Variants in JAG2 observed in about 807,000 individuals in gnomAD.
The protein encoded by JAG2 is protein jagged-2.
A neutral mutation model predicts 141.7 loss-of-function variants in JAG2; 46 were observed. That is an observed-to-expected ratio of 0.32 (90% CI 0.26 to 0.42). JAG2 has a LOEUF of 0.42. Ranked by LOEUF, JAG2 falls within the 10% of genes least tolerant of loss-of-function variation. JAG2 has a pLI of 1.00. For missense variants in JAG2, 1,500 were observed against 1,817.5 expected (o/e 0.83, Z 3.18); for synonymous variants, 862 against 763.5 (o/e 1.13, Z -2.13).
intron 12 of JAG2, 128 bp from the exon 13 acceptor site, chr14:105,149,448 G>C: frequency 1.8e-6 from 2 of 1,136,750 alleles, no homozygotes; most frequent in Non-Finnish European, 1.3e-6. Flanking sequence ...GCCTAACAGT[G>C]CCAGCCAGAG....
Position 105,143,578 on chromosome 14 carries a change from T to C in JAG2, c.3145A>G (p.Ile1049Val), listed in dbSNP as rs1356689695. 1 of 1,605,598 alleles carries C rather than the reference T, an allele frequency of 6.2e-7. No homozygotes were observed. Among genetic ancestry groups the C allele is most frequent in the Admixed American group, 1.7e-5 (1 of 59,168 alleles). The change falls in exon 25 of 26, where the codon ATC becomes GTC. Residue 1049 changes from isoleucine to valine, a missense_variant. By Grantham distance (29) the Ile-to-Val change is conservative. Transcript: ENST00000331782. ...SSLIQGAAHA[I>V]VAAITQRGNS... is the part of the protein sequence containing the mutation. ...CCCCGCTGGGTGATGGCGGCCACGA[T>C]GGCGTGGGCCGCGCCCTGGATCAGG...
At chr14:105,165,929 T>C (rs1888895198) in intron 2 of JAG2, among the ~76,000 whole-genome samples, 1 of 152,174 alleles carries the variant, frequency 6.6e-6, no homozygotes, top group South Asian at 2.1e-4. Context: ...CAGGGCAGCA[T>C]GGCCAGGGAC....
intron 2 of JAG2, among the ~76,000 whole-genome samples, chr14:105,159,088 G>A (rs894268212): frequency 9.2e-5 from 14 of 151,646 alleles, no homozygotes; most frequent in Non-Finnish European, 1.5e-4. Context: ...CCTAACCAAC[G>A]TGCTACCAGC....
In JAG2 at chr14:105,143,525, G is replaced by T; in HGVS notation, c.3198C>A (p.Thr1066=). Residue 1066 remains threonine (T), a synonymous_variant, in exon 25 of 26, where the codon ACC becomes ACA. Coordinates refer to ENST00000331782, the MANE Select transcript of JAG2 (RefSeq NM_002226.5). ...RGNSSLLLAV[T]EVKVETVVTG... ...TAACAACCGTCTCCACCTTGACCTC[G>T]GTGACAGCCAGGAGCAGTGAGCTGT... The T allele has an allele frequency of 1.3e-6, 2 of 1,583,128 alleles. No individual in the cohort carries two copies. Among genetic ancestry groups the T allele is most frequent in the Non-Finnish European group, 8.6e-7 (1 of 1,167,540 alleles).
rs1365397948 is a variant in JAG2 at position 105,149,041 on chromosome 14, G to A, written c.1802C>T (p.Ala601Val). Residue 601 changes from alanine (A) to valine (V), a missense_variant, in exon 14 of 26, where the codon GCA becomes GTA. By Grantham distance (64) the Ala-to-Val change is moderately conservative. Coordinates refer to ENST00000331782, the MANE Select transcript of JAG2 (RefSeq NM_002226.5). ...ATGGGGGCCACACACGCCGGAGGCT[G>A]CTGTGCCAGGCATCCCAGGCCCCGC... ...SDAGPGMPGTAASGVCGPHGR... is the reference protein window; with the variant it reads ...SDAGPGMPGTVASGVCGPHGR... 13 of 1,608,106 alleles carry A rather than the reference G, an allele frequency of 8.1e-6. No homozygotes were observed. The highest frequency in any genetic ancestry group is 1.0e-5 in the Non-Finnish European group (12 of 1,178,166).
Position 105,142,538 on chromosome 14 carries a change from G to A in JAG2, c.*157C>T. 1.6e-6 allele frequency: 1 copy of A among 613,436 alleles called. No individual in the cohort carries two copies. Among genetic ancestry groups the A allele is most frequent in the Non-Finnish European group, 2.9e-6 (1 of 349,374 alleles). The allele number at this position is 613,436 out of a possible 1,614,324, so 38.0% of individuals were successfully genotyped here. A position where few individuals can be genotyped will look rare whatever the true frequency, so the allele number is the denominator to read the frequency against. Reference sequence around the variant, plus strand: ...GACAGTTACTGAATAATTTATACAAGGTTAAAGAAACGTAGAAAATAAACA... The same window carrying A: ...GACAGTTACTGAATAATTTATACAAAGTTAAAGAAACGTAGAAAATAAACA... On this transcript the variant is annotated 3_prime_UTR_variant, in exon 26 of 26. Coordinates refer to ENST00000331782, the MANE Select transcript of JAG2 (RefSeq NM_002226.5).
Position 105,152,056 on chromosome 14 carries a change from G to T in JAG2, c.921C>A (p.Asp307Glu), listed in dbSNP as rs777781345. 1 of 1,613,142 alleles carries T rather than the reference G, an allele frequency of 6.2e-7. No homozygotes were observed. Among genetic ancestry groups the T allele is most frequent in the Non-Finnish European group, 8.5e-7 (1 of 1,179,944 alleles). Residue 307 changes from aspartate to glutamate, a missense_variant and splice_region_variant, in exon 7 of 26, where the codon GAC (aspartate) becomes GAA (glutamate). Asp to Glu is a conservative substitution (Grantham distance 45). Transcript: ENST00000331782. Reference sequence around the variant, plus strand: ...GGTGGTGGCTGCCACAGTAGTTCAGGTCTGGGGGCAGGGGTGGGATGCTCA... The same window carrying T: ...GGTGGTGGCTGCCACAGTAGTTCAGTTCTGGGGGCAGGGGTGGGATGCTCA... ...TNWGGLLCDK[D>E]LNYCGSHHPC...
chr14:105,157,754 TA>T lies in JAG2; in HGVS notation c.426del (p.Phe142LeufsTer21). On this transcript the variant is annotated frameshift_variant, in exon 3 of 26. Coordinates refer to ENST00000331782, the MANE Select transcript of JAG2 (RefSeq NM_002226.5). LOFTEE classifies it high-confidence loss of function. ...CAGTCCCAGGCCTCCACGATGAGGG[TA>T]AAGGAGCGCTGCAGACATGGGGAGG... ...IPFQFAWPRSFTLIVEAWDWD... is the reference protein window; with the variant it reads ...IPFQFAWPRSXTLIVEAWDWD... 1 of 1,576,872 alleles carries T rather than the reference TA, an allele frequency of 6.3e-7. No homozygotes were observed. The highest frequency in any genetic ancestry group is 8.6e-7 in the Non-Finnish European group (1 of 1,163,076).
chr14:105,147,956 G>A lies in JAG2; in HGVS notation c.2249-68C>T, dbSNP rs917427188. The A allele has an allele frequency of 5.0e-5, 66 of 1,308,104 alleles. No individual in the cohort carries two copies. In the African/African-American group the frequency reaches 5.9e-4, roughly 12 times the overall value. The allele number at this position is 1,308,104 out of a possible 1,614,324, so 81.0% of individuals were successfully genotyped here. On this transcript the variant is annotated intron_variant, in intron 17 of 25. Transcript: ENST00000331782. The stretch of plus-strand genomic sequence containing the variant: ...GGCTGGCCCTGGGTCTCCATACCGC[G>A]CCCCCAACCCAGACAGGGCAGACAG...
In JAG2 at chr14:105,151,354, G is replaced by A; in HGVS notation, c.1196C>T (p.Thr399Ile). The stretch of plus-strand genomic sequence containing the variant: ...AAAGCCGTCCACCTGGTCCACACAG[G>A]TGCCACCGGCCGCACACGGGTTCGA... Reference protein sequence around the residue: ...CASNPCAAGGTCVDQVDGFEC... With the variant: ...CASNPCAAGGICVDQVDGFEC... Residue 399 changes from threonine (T) to isoleucine (I), a missense_variant, in exon 9 of 26, where the codon ACC (threonine) becomes ATC (isoleucine). Transcript: ENST00000331782. The A allele has an allele frequency of 6.2e-7, 1 of 1,612,524 alleles. No homozygotes were observed. The highest frequency in any genetic ancestry group is 8.5e-7 in the Non-Finnish European group (1 of 1,180,000).
chr14:105,145,235 A>T (rs1276151625), intron 23 of JAG2, among the ~76,000 whole-genome samples, 174 bp from the exon 24 acceptor site: 1 of 152,140 alleles, frequency 6.6e-6, no homozygotes, highest in African/African-American at 2.4e-5. Context: ...GCCCTATACC[A>T]GGAGGCAGGA....
Position 105,142,841 on chromosome 14 carries a change from G to A in JAG2, c.3571C>T (p.Leu1191=), listed in dbSNP as rs1416703763. 2.5e-6 allele frequency: 4 copies of A among 1,609,948 alleles called. No individual in the cohort carries two copies. Among genetic ancestry groups the A allele is most frequent in the Non-Finnish European group, 3.4e-6 (4 of 1,178,638 alleles). The part of the protein sequence containing the change: ...EDLGRGEEDS[L]EAEKFLSHKF... Reference sequence around the variant, plus strand: ...TGTGAGAGGAACTTCTCCGCCTCCAGGGAGTCCTCCTCACCGCGGCCCAGA... The same window carrying A: ...TGTGAGAGGAACTTCTCCGCCTCCAAGGAGTCCTCCTCACCGCGGCCCAGA... The change falls in exon 26 of 26, where the codon CTG becomes TTG. Residue 1191 remains leucine (L), a synonymous_variant. Coordinates refer to ENST00000331782, the MANE Select transcript of JAG2 (RefSeq NM_002226.5).
In JAG2 at chr14:105,167,665, C is replaced by G; in HGVS notation, c.417+92G>C. ...GGGCGCGCGCGGCTCGCACGCAGAC[C>G]CGGCCGCAGGTGTTGGGGGTCGCGA... On this transcript the variant is annotated intron_variant, in intron 2 of 25. Transcript: ENST00000331782. The surrounding 1 kb of genome is among the most constrained non-coding windows in gnomAD (Gnocchi z 4.8). The G allele has an allele frequency of 1.6e-6, 2 of 1,239,946 alleles. No individual in the cohort carries two copies. Among genetic ancestry groups the G allele is most frequent in the East Asian group, 3.5e-5 (1 of 28,384 alleles). The allele number at this position is 1,239,946 out of a possible 1,614,324, so 76.8% of individuals were successfully genotyped here. A position where few individuals can be genotyped will look rare whatever the true frequency, so the allele number is the denominator to read the frequency against.
chr14:105,145,539 C>T (rs1888196398), intron 23 of JAG2, among the ~76,000 whole-genome samples, 192 bp downstream of exon 23: 1 of 152,260 alleles, frequency 6.6e-6, no homozygotes, highest in Non-Finnish European at 1.5e-5. Context: ...TCCCAGCCTC[C>T]TCTGCCACCT....
chr14:105,146,976 C>T, intron 20 of JAG2: 1 of 622,594 alleles, frequency 1.6e-6, no homozygotes. Flanking sequence ...GCCCCAGCTG[C>T]TGCGTCGGAC....
At chr14:105,162,712 T>A (rs35757105) in intron 2 of JAG2, among the ~76,000 whole-genome samples, 14,885 of 62,784 alleles carry the variant, frequency 0.24, 1,018 homozygotes, top group Middle Eastern at 0.29. Flanking sequence ...AGTACCCTCC[T>A]GCCCAGGGCA....
At chr14:105,166,083 G>A (rs1202628436) in intron 2 of JAG2, among the ~76,000 whole-genome samples, 3 of 152,202 alleles carry the variant, frequency 2.0e-5, no homozygotes, top group African/African-American at 7.2e-5. Flanking sequence ...GAGACAGGCC[G>A]CCTGCCCCCT....
rs1595193203 is a variant in JAG2, at chr14:105,167,192, G to T, written c.417+565C>A. 1.3e-5 allele frequency among the ~76,000 whole-genome samples: 2 copies of T among 152,224 alleles called. No individual in the cohort carries two copies. Among genetic ancestry groups the T allele is most frequent in the Admixed American group, 6.5e-5 (1 of 15,284 alleles). ...GTGCCACAGAAGGTCACTGCACCAGGATCCACTATCTCTGTCTCTGAACGA... is the reference window on the plus strand; with the variant it reads ...GTGCCACAGAAGGTCACTGCACCAGTATCCACTATCTCTGTCTCTGAACGA... On this transcript the variant is annotated intron_variant, in intron 2 of 25. Coordinates refer to ENST00000331782, the MANE Select transcript of JAG2 (RefSeq NM_002226.5). The surrounding 1 kb of genome is among the most constrained non-coding windows in gnomAD (Gnocchi z 4.8).
At chr14:105,156,795 C>T (rs587634682) in intron 3 of JAG2, among the ~76,000 whole-genome samples, 84 of 152,286 alleles carry the variant, frequency 5.5e-4, no homozygotes, top group African/African-American at 2.0e-3. Context: ...CTCACGTTGT[C>T]AAGAGCCCTG....
Sources: allele counts gnomAD v4.1 joint callset (sites outside exome capture counted in the v4.1 genomes callset), GRCh38; gene constraint gnomAD v4.1.1; non-coding constraint Gnocchi (gnomAD v3.1); transcripts MANE v1.5; gene names NCBI Gene and HGNC (gene_info 2026-07-23, HGNC 2026-07-21).